Variants in EFHC2 observed in about 807,000 individuals in gnomAD.
The protein encoded by EFHC2 is EF-hand domain containing 2.
A neutral mutation model predicts 52.7 loss-of-function variants in EFHC2; 18 were observed. The ratio of observed to expected loss-of-function variants is 0.34; its 90% CI spans 0.24 to 0.51. The LOEUF is 0.51. Among genes scored for constraint, EFHC2 ranks in the 20% least tolerant of loss-of-function variants. EFHC2 has a pLI of 0.97. For synonymous variants in EFHC2, 203 were observed against 204.1 expected (o/e 0.99, Z 0.04); for missense variants, 513 against 562.5 (o/e 0.91, Z 0.89).
At chrX:44,273,203 AT>A (rs1164769497) in intron 2 of EFHC2, among the ~76,000 whole-genome samples, 2 of 112,565 alleles carry the variant, frequency 1.8e-5, no homozygotes, top group African/African-American at 3.2e-5. Context: ...AAGTTTTGTC[AT>A]TTTTTTCCCA....
intron 11 of EFHC2, among the ~76,000 whole-genome samples, chrX:44,213,116 C>T (rs1358002162): frequency 9.3e-6 from 1 of 107,842 alleles, no homozygotes; most frequent in Non-Finnish European, 1.9e-5. Flanking sequence ...AAATACAAAG[C>T]ATCAGAATCA....
chrX:44,270,716 G>A (rs182834143), intron 3 of EFHC2, among the ~76,000 whole-genome samples: 2 of 110,904 alleles, frequency 1.8e-5, no homozygotes, highest in African/African-American at 3.3e-5. Flanking sequence ...CTCATTCATC[G>A]GTGACACCCA....
At chrX:44,234,588 G>T (rs2037303409) in intron 9 of EFHC2, among the ~76,000 whole-genome samples, 2 of 112,033 alleles carry the variant, frequency 1.8e-5, no homozygotes, top group African/African-American at 6.5e-5. Context: ...CTGGCAAACA[G>T]TACAAATCAG....
intron 1 of EFHC2, among the ~76,000 whole-genome samples, chrX:44,320,684 A>C (rs1220798033): frequency 9.1e-6 from 1 of 110,241 alleles, no homozygotes; most frequent in Non-Finnish European, 1.9e-5. Context: ...AGAGGAAGAA[A>C]AGCCTCCTTC....
In EFHC2 at chrX:44,232,468, A is replaced by G. The variant is rs1221523672; in HGVS notation, c.1620+13T>C. Reference sequence around the variant, plus strand: ...CTGAGAGGCAAGTCAAGAATTATACAAAGTAAATTCACCTTATCTGTATTC... The same window carrying G: ...CTGAGAGGCAAGTCAAGAATTATACGAAGTAAATTCACCTTATCTGTATTC... On this transcript the variant is annotated intron_variant, in intron 10 of 14. Transcript: ENST00000420999. 9.4e-7 allele frequency: 1 copy of G among 1,060,300 alleles called. No homozygotes were observed. The highest frequency in any genetic ancestry group is 1.9e-5 in the African/African-American group (1 of 53,161). The allele number at this position is 1,060,300 out of a possible 1,213,427, so 87.4% of individuals were successfully genotyped here.
intron 1 of EFHC2, among the ~76,000 whole-genome samples, chrX:44,334,048 T>C (rs2038103429): frequency 8.9e-6 from 1 of 112,188 alleles, no homozygotes; most frequent in South Asian, 3.7e-4. Context: ...TGCCTAAATC[T>C]GAAACTGCTA....
At chrX:44,335,528 C>T (rs2038111611) in intron 1 of EFHC2, among the ~76,000 whole-genome samples, 1 of 111,484 alleles carries the variant, frequency 9.0e-6, no homozygotes, top group Admixed American at 9.6e-5. Flanking sequence ...GGGATATACT[C>T]TCACAACAGA....
chrX:44,270,688 G>A (rs1047966559), intron 3 of EFHC2, among the ~76,000 whole-genome samples: 1 of 111,213 alleles, frequency 9.0e-6, no homozygotes, highest in African/African-American at 3.3e-5. Flanking sequence ...CAATATTTAT[G>A]AGGCCTCAAT....
chrX:44,171,443 A>G (rs1210630796), intron 13 of EFHC2, among the ~76,000 whole-genome samples: 1 of 111,157 alleles, frequency 9.0e-6, no homozygotes, highest in African/African-American at 3.3e-5. Flanking sequence ...TGGAAGGGAG[A>G]GAAGACGGTG....
At chrX:44,163,819 C>T in intron 14 of EFHC2, 103 bp downstream of exon 14, 1 of 597,847 alleles carries the variant, frequency 1.7e-6, no homozygotes, top group South Asian at 2.9e-5. Flanking sequence ...TCCAAAAGCA[C>T]TGATGTTAAT....
At chrX:44,168,480 C>T (rs763321408) in intron 13 of EFHC2, among the ~76,000 whole-genome samples, 1 of 108,514 alleles carries the variant, frequency 9.2e-6, no homozygotes, top group East Asian at 2.9e-4. Flanking sequence ...TGCAGTGAGC[C>T]GAGATTGCGC....
At chrX:44,327,718 A>T (rs1489761320) in intron 1 of EFHC2, among the ~76,000 whole-genome samples, 1 of 111,986 alleles carries the variant, frequency 8.9e-6, no homozygotes, top group Non-Finnish European at 1.9e-5. Context: ...AGAATGTAAG[A>T]CTATAAGAGC....
intron 3 of EFHC2, among the ~76,000 whole-genome samples, chrX:44,271,165 A>T (rs1263972303): frequency 9.0e-6 from 1 of 111,526 alleles, no homozygotes; most frequent in African/African-American, 3.3e-5. Flanking sequence ...TGCATGTACA[A>T]TTCTCAAAGG....
chrX:44,181,775 A>G (rs2036837324), intron 11 of EFHC2, among the ~76,000 whole-genome samples: 1 of 112,660 alleles, frequency 8.9e-6, no homozygotes, highest in African/African-American at 3.2e-5. Context: ...AGGGATCTCA[A>G]TCAGGATGTA....
intron 1 of EFHC2, among the ~76,000 whole-genome samples, chrX:44,330,967 TTTGA>T (rs1205414558): frequency 2.7e-5 from 3 of 112,002 alleles, no homozygotes; most frequent in Non-Finnish European, 5.6e-5. Context: ...TCAAAAATAG[TTTGA>T]TTGTCTTTTT....
intron 1 of EFHC2, among the ~76,000 whole-genome samples, chrX:44,315,915 T>C (rs1454240684): frequency 9.0e-6 from 1 of 111,718 alleles, no homozygotes; most frequent in African/African-American, 3.3e-5. Flanking sequence ...AAGCCTCTCA[T>C]GTAAATATCT....
chrX:44,232,658 G>A lies in EFHC2; in HGVS notation c.1443C>T (p.Phe481=). ...ERNSGIAGGM[F]LKRSRVKKPG... is the part of the protein sequence containing the mutation. ...GCTTCTTAACGCGACTTCTTTTCAA[G>A]AACATCCCACCAGCAATTCCTATAA... The change falls in exon 10 of 15, where the codon TTC becomes TTT. Residue 481 remains phenylalanine (F), a synonymous_variant. Transcript: ENST00000420999. 3 of 1,195,765 alleles carry A rather than the reference G, an allele frequency of 2.5e-6. No homozygotes were observed. The highest frequency in any genetic ancestry group is 3.4e-6 in the Non-Finnish European group (3 of 887,117).
At chrX:44,268,584 A>C (rs1439479180) in intron 3 of EFHC2, among the ~76,000 whole-genome samples, 1 of 112,024 alleles carries the variant, frequency 8.9e-6, no homozygotes, top group African/African-American at 3.2e-5. Flanking sequence ...TCAGAAAATA[A>C]GCAGAGCTTA....
At chrX:44,288,349 C>T (rs5952568) in intron 2 of EFHC2, among the ~76,000 whole-genome samples, 3,190 of 109,315 alleles carry the variant, frequency 0.029, 116 homozygotes, top group African/African-American at 0.1. Context: ...TAACAGTTTA[C>T]CCGCATGGAA....
Sources: gnomAD v4.1 joint callset for allele counts (sites outside exome capture counted in the v4.1 genomes callset) on GRCh38, gnomAD v4.1.1 for gene constraint, MANE v1.5 for transcripts, NCBI Gene and HGNC (gene_info 2026-07-23, HGNC 2026-07-21) for gene names.